Variants in LRRC63 observed in about 807,000 individuals in gnomAD.
LRRC63 encodes the protein leucine rich repeat containing 63.
A neutral mutation model predicts 49.5 loss-of-function variants in LRRC63; 40 were observed. The observed-to-expected ratio is 0.81, with a 90% CI of 0.63 to 1.05. LRRC63 has a LOEUF of 1.05. LRRC63 is among the 50% of genes least tolerant of loss of function. LRRC63 has a pLI of 0.00. For synonymous variants in LRRC63, 191 were observed against 221.1 expected (o/e 0.86, Z 1.21); for missense variants, 636 against 663.1 (o/e 0.96, Z 0.45).
chr13:46,253,799 A>G (rs1016311949), intron 7 of LRRC63, among the ~76,000 whole-genome samples: 1 of 152,178 alleles, frequency 6.6e-6, no homozygotes, highest in Non-Finnish European at 1.5e-5. Context: ...AAGAGTGACA[A>G]TGAAGGCTGA....
At chr13:46,227,715 C>G (rs1050157171) in exon 3 of LRRC63, 1 of 1,550,262 alleles carries the variant, frequency 6.5e-7, no homozygotes, top group African/African-American at 1.4e-5. Context: ...TAAGCATGTC[C>G]GTGAGCAGAT....
At chr13:46,226,971 C>T (rs780226024) in intron 2 of LRRC63, among the ~76,000 whole-genome samples, 2 of 152,238 alleles carry the variant, frequency 1.3e-5, no homozygotes, top group South Asian at 2.1e-4. Context: ...ATTTTCTGGA[C>T]GTAAGATAGA....
chr13:46,231,263 T>G (rs1451651213), intron 4 of LRRC63, among the ~76,000 whole-genome samples: 1 of 152,162 alleles, frequency 6.6e-6, no homozygotes, highest in Non-Finnish European at 1.5e-5. Context: ...AGTACCAATT[T>G]TATGTGTTAG....
rs953368895 is a variant in LRRC63 at position 46,242,769 on chromosome 13, A to AG, written c.991-3758_991-3757insG. Among the ~76,000 whole-genome samples the AG allele has an allele frequency of 9.9e-5, 15 of 152,010 alleles. 1 individual carries two copies. The highest frequency in any genetic ancestry group is 3.6e-4 in the African/African-American group (15 of 41,498). Reference sequence around the variant, plus strand: ...TAGGAGAGAGTGTTGAAGAAAAAAAAAAAACAAAAAACCTCTCAACTGAGA... The same window carrying AG: ...TAGGAGAGAGTGTTGAAGAAAAAAAAGAAAACAAAAAACCTCTCAACTGAGA... On this transcript the variant is annotated intron_variant, in intron 5 of 9. Coordinates refer to ENST00000595396, the Ensembl canonical transcript of LRRC63.
At chr13:46,259,098 C>T (rs2047573009) in intron 7 of LRRC63, among the ~76,000 whole-genome samples, 1 of 152,140 alleles carries the variant, frequency 6.6e-6, no homozygotes, top group South Asian at 2.1e-4. Flanking sequence ...GGCAGGAAAG[C>T]TCAGCTTCTG....
chr13:46,258,380 C>T (rs9534372), intron 7 of LRRC63, among the ~76,000 whole-genome samples: 42,966 of 150,066 alleles, frequency 0.29, 6,522 homozygotes, highest in East Asian at 0.53. Context: ...CTGCCCACCT[C>T]GGCCTCCCAA....
At chr13:46,220,736 G>C (rs1482113383) in intron 2 of LRRC63, among the ~76,000 whole-genome samples, 1 of 152,152 alleles carries the variant, frequency 6.6e-6, no homozygotes, top group Non-Finnish European at 1.5e-5. Flanking sequence ...GGCCCTGGTG[G>C]TGTAGGCACC....
chr13:46,244,263 T>C (rs2138494161), intron 5 of LRRC63, among the ~76,000 whole-genome samples: 1 of 152,336 alleles, frequency 6.6e-6, no homozygotes, highest in East Asian at 1.9e-4. Context: ...GGTTCTTTTT[T>C]TTTCTTACCC....
chr13:46,260,318 G>A (rs1159926889), intron 7 of LRRC63, among the ~76,000 whole-genome samples: 1 of 152,206 alleles, frequency 6.6e-6, no homozygotes, highest in African/African-American at 2.4e-5. Flanking sequence ...TCTTTACAGA[G>A]ATGATAAGAA....
At chr13:46,231,517 C>T (rs9534362) in intron 4 of LRRC63, among the ~76,000 whole-genome samples, 3 of 144,234 alleles carry the variant, frequency 2.1e-5, no homozygotes, top group African/African-American at 7.6e-5. Context: ...TTTCTTTTTT[C>T]TTTTTTTTTT....
intron 9 of LRRC63, among the ~76,000 whole-genome samples, chr13:46,272,236 C>T (rs182864717): frequency 5.3e-5 from 8 of 152,120 alleles, no homozygotes; most frequent in Non-Finnish European, 1.2e-4. Context: ...CAGTTGATAA[C>T]TGAAACTGTG....
intron 7 of LRRC63, among the ~76,000 whole-genome samples, chr13:46,255,649 T>A (rs867429722): frequency 0.023 from 3,244 of 138,582 alleles, 168 homozygotes; most frequent in African/African-American, 0.098. Flanking sequence ...GCCTCAAATA[T>A]ATATATATAT....
intron 9 of LRRC63, among the ~76,000 whole-genome samples, chr13:46,275,440 CTG>C (rs1178650135): frequency 1.3e-5 from 2 of 152,100 alleles, no homozygotes; most frequent in Admixed American, 6.6e-5. Flanking sequence ...ACCACTGAAA[CTG>C]TGTAAGAGTT....
At chr13:46,276,356 C>T (rs1488633239) in intron 9 of LRRC63, among the ~76,000 whole-genome samples, 4 of 151,958 alleles carry the variant, frequency 2.6e-5, no homozygotes, top group African/African-American at 9.7e-5. Flanking sequence ...AGAGTTTTTT[C>T]TTGTTATGCA....
At chr13:46,224,159 CCTTTGT>C (rs2046499938) in intron 2 of LRRC63, among the ~76,000 whole-genome samples, 1 of 152,166 alleles carries the variant, frequency 6.6e-6, no homozygotes, top group African/African-American at 2.4e-5. Flanking sequence ...TATAGTCCTT[CCTTTGT>C]CTCTTTGCCC....
intron 9 of LRRC63, among the ~76,000 whole-genome samples, chr13:46,274,194 A>C (rs930955732): frequency 3.3e-5 from 5 of 152,164 alleles, no homozygotes; most frequent in African/African-American, 2.4e-5. Flanking sequence ...AATGCAAGAC[A>C]AATTATGGAG....
intron 4 of LRRC63, among the ~76,000 whole-genome samples, chr13:46,230,118 A>T (rs1365753090): frequency 6.6e-6 from 1 of 152,194 alleles, no homozygotes; most frequent in East Asian, 1.9e-4. Flanking sequence ...TTACATTTCA[A>T]TATGAGATTT....
In LRRC63 at chr13:46,246,019, G is replaced by C. The variant is rs535452745; in HGVS notation, c.991-508G>C. Reference sequence around the variant, plus strand: ...CCTAGTGGGAGGTGATTGGATCATGGGGATGGATTTCCACCTTGATGCTGT... The same window carrying C: ...CCTAGTGGGAGGTGATTGGATCATGCGGATGGATTTCCACCTTGATGCTGT... On this transcript the variant is annotated intron_variant, in intron 5 of 9. Coordinates refer to ENST00000595396, the Ensembl canonical transcript of LRRC63. 5.5e-4 allele frequency among the ~76,000 whole-genome samples: 83 copies of C among 152,218 alleles called. 1 individual carries two copies. Among genetic ancestry groups the C allele is most frequent in the African/African-American group, 1.9e-3 (80 of 41,514 alleles).
At chr13:46,250,860 A>T (rs1297083937) in intron 7 of LRRC63, among the ~76,000 whole-genome samples, 2 of 151,858 alleles carry the variant, frequency 1.3e-5, no homozygotes, top group Non-Finnish European at 2.9e-5. Context: ...AAAGTTGATG[A>T]TAATTATATA....
Sources: allele counts gnomAD v4.1 joint callset (sites outside exome capture counted in the v4.1 genomes callset), GRCh38; gene constraint gnomAD v4.1.1; transcripts MANE v1.5; gene names NCBI Gene and HGNC (gene_info 2026-07-23, HGNC 2026-07-21).